Variants in LTF observed in about 807,000 individuals in gnomAD.
The protein encoded by LTF is lactotransferrin.
In LTF, 91 loss-of-function variants were observed where a neutral mutation model predicts 87.2. The observed-to-expected ratio is 1.04, with a 90% CI of 0.88 to 1.24. LTF has a LOEUF of 1.24. LTF is among the 50% of genes most tolerant of loss of function. The pLI, the probability that LTF is intolerant of heterozygous loss-of-function variation, is 0.00. For missense variants in LTF, 901 were observed against 904.3 expected, an observed-to-expected ratio of 1.00 and a Z score of 0.05; for synonymous variants, 378 against 356.1, an observed-to-expected ratio of 1.06 and a Z score of -0.69.
At chr3:46,458,559 G>A (rs1402283400) in intron 2 of LTF, among the ~76,000 whole-genome samples, 1 of 152,170 alleles carries the variant, frequency 6.6e-6, no homozygotes, top group Non-Finnish European at 1.5e-5. Context: ...AGAGATGCTG[G>A]TGCTGGTTTT....
chr3:46,443,739 A>AC (rs899841991), intron 12 of LTF, among the ~76,000 whole-genome samples, 157 bp from the exon 13 acceptor site: 1 of 152,150 alleles, frequency 6.6e-6, no homozygotes, highest in African/African-American at 2.4e-5. Context: ...ACATGTTGTC[A>AC]CCAACATAGG....
rs1559614847 is a variant in LTF, at chr3:46,482,665, AAGGAAG to A, written c.-320+2315_-320+2320del. 6.4e-3 allele frequency among the ~76,000 whole-genome samples: 526 copies of A among 81,926 alleles called. 6 individuals are homozygous for A. The highest frequency in any genetic ancestry group is 0.019 in the Middle Eastern group (3 of 154). The allele number at this position is 81,926 out of a possible 152,430, so 53.7% of individuals were successfully genotyped here. ...GAAAGAAAGAAAGAAAGAAAGAAGG[AAGGAAG>A]GAAGGAAGGAAGGAAGGAAGGAAGG... On this transcript the variant is annotated intron_variant, in intron 1 of 19. Transcript: ENST00000443496.
chr3:46,448,938 C>T lies in LTF; in HGVS notation c.1137G>A (p.Gln379=). 2 of 1,613,882 alleles carry T rather than the reference C, an allele frequency of 1.2e-6. No homozygotes were observed. Among genetic ancestry groups the T allele is most frequent in the Non-Finnish European group, 1.7e-6 (2 of 1,179,960 alleles). ...CGCTGCCTTCGCTCAAGCCACTCCA[C>T]TGGTTACACTTGCGCAGCTCCTGCT... ...VGEQELRKCN[Q]WSGLSEGSVT... Residue 379 remains glutamine, a synonymous_variant, in exon 9 of 17, where the codon CAG becomes CAA. Coordinates refer to ENST00000231751, the MANE Select transcript of LTF (RefSeq NM_002343.6).
At position 46,439,380 on chromosome 3, in the gene LTF, G is replaced by A; in HGVS notation, c.1824C>T (p.Cys608=). ...CATGATTCGGGGCCATGGCAAGATG[G>A]CAGCTTCTAGCCTCAGTCACAGGCT... ...KRKPVTEARS[C]HLAMAPNHAV... Residue 608 remains cysteine (C), a synonymous_variant, in exon 15 of 17, where the codon TGC becomes TGT. Transcript: ENST00000231751. The A allele has an allele frequency of 6.2e-7, 1 of 1,614,200 alleles. No individual in the cohort carries two copies. The highest frequency in any genetic ancestry group is 8.5e-7 in the Non-Finnish European group (1 of 1,180,032).
chr3:46,437,914 G>C (rs373913785), intron 16 of LTF, 26 bp downstream of exon 16: 18 of 1,601,858 alleles, frequency 1.1e-5, no homozygotes, highest in Non-Finnish European at 1.4e-5. Flanking sequence ...GTGGTTTCTC[G>C]GGGATGCTAG....
intron 13 of LTF, among the ~76,000 whole-genome samples, chr3:46,442,888 C>T (rs546111969): frequency 3.9e-5 from 6 of 152,152 alleles, no homozygotes; most frequent in African/African-American, 7.2e-5. Context: ...TGCTGTAAAA[C>T]GTGGGGTGTG....
chr3:46,456,187 G>T, intron 3 of LTF, 103 bp downstream of exon 3: 1 of 1,074,160 alleles, frequency 9.3e-7, no homozygotes, highest in Non-Finnish European at 1.4e-6. Flanking sequence ...CATGTGTGAT[G>T]TGACCCAGAC....
intron 1 of LTF, among the ~76,000 whole-genome samples, chr3:46,474,388 G>C (rs985246942): frequency 1.3e-5 from 2 of 152,158 alleles, no homozygotes; most frequent in Non-Finnish European, 2.9e-5. Context: ...AATAATGAAA[G>C]AGTCAATACA....
chr3:46,441,899 CAG>C lies in LTF; in HGVS notation c.1656-418_1656-417del, dbSNP rs71622508. 345 of 101,606 alleles carry C rather than the reference CAG, an allele frequency of 3.4e-3. 1 individual carries two copies. The highest frequency in any genetic ancestry group is 5.8e-3 in the Admixed American group (46 of 7,990). 6.3% of individuals were successfully genotyped at this position (101,606 alleles called of 1,614,324 possible). ...TAAATGATGAAACTGTGATAGCACCCAGAGAGAGAGAGAGAGAGAGAGAGAGA... is the reference window on the plus strand; with the variant it reads ...TAAATGATGAAACTGTGATAGCACCCAGAGAGAGAGAGAGAGAGAGAGAGA... On this transcript the variant is annotated intron_variant, in intron 13 of 16. Transcript: ENST00000231751.
Position 46,441,503 on chromosome 3 carries a change from A to G in LTF, c.1656-20T>C. ...AGGCACCTAAAATGTTCCAGAAAAT[A>G]TACACATAATTACAGAAGAGAAACT... On this transcript the variant is annotated intron_variant, in intron 13 of 16. Coordinates refer to ENST00000231751, the MANE Select transcript of LTF (RefSeq NM_002343.6). 1 of 1,583,722 alleles carries G rather than the reference A, an allele frequency of 6.3e-7. No homozygotes were observed. The highest frequency in any genetic ancestry group is 2.2e-5 in the East Asian group (1 of 44,746).
chr3:46,459,695 T>C lies in LTF; in HGVS notation c.168A>G (p.Ile56Met). Residue 56 changes from isoleucine (I) to methionine (M), a missense_variant, in exon 2 of 17, where the codon ATA becomes ATG. Coordinates refer to ENST00000231751, the MANE Select transcript of LTF (RefSeq NM_002343.6). ...TACACTGGATGGGGGAGTCTCTCTTTATGCAGCTGACAGGAGGGCCACGCA... is the reference window on the plus strand; with the variant it reads ...TACACTGGATGGGGGAGTCTCTCTTCATGCAGCTGACAGGAGGGCCACGCA... ...RKVRGPPVSC[I>M]KRDSPIQCIQ... is the part of the protein sequence containing the mutation. 1 of 1,568,090 alleles carries C rather than the reference T, an allele frequency of 6.4e-7. No homozygotes were observed. Among genetic ancestry groups the C allele is most frequent in the East Asian group, 2.5e-5 (1 of 39,930 alleles).
chr3:46,445,875 CCCAGGGACTG>C (rs1702641066), intron 11 of LTF, among the ~76,000 whole-genome samples: 1 of 152,210 alleles, frequency 6.6e-6, no homozygotes, highest in Non-Finnish European at 1.5e-5. Context: ...GGCACATGTC[CCCAGGGACTG>C]CCCTGAGCTG....
At chr3:46,463,967 C>T (rs1172214974) in intron 1 of LTF, among the ~76,000 whole-genome samples, 4 of 152,154 alleles carry the variant, frequency 2.6e-5, no homozygotes, top group Admixed American at 6.5e-5. Context: ...AGGTAGATGC[C>T]GTAAGACAAG....
rs1419151439 is a variant in LTF, at chr3:46,449,906, A to G, written c.1005T>C (p.Ser335=). ...GFSRVPPRID[S]GLYLGSGYFT... ...AGTAGCCGGAGCCAAGGTACAGCCCAGAATCTATCCTCGGGGGCACCCTCG... is the reference window on the plus strand; with the variant it reads ...AGTAGCCGGAGCCAAGGTACAGCCCGGAATCTATCCTCGGGGGCACCCTCG... The change falls in exon 8 of 17, where the codon TCT becomes TCC. Residue 335 remains serine, a synonymous_variant. Coordinates refer to ENST00000231751, the MANE Select transcript of LTF (RefSeq NM_002343.6). The G allele has an allele frequency of 6.2e-7, 1 of 1,614,076 alleles. No individual in the cohort carries two copies. The highest frequency in any genetic ancestry group is 1.7e-5 in the Admixed American group (1 of 60,004).
intron 14 of LTF, among the ~76,000 whole-genome samples, chr3:46,440,859 A>G (rs1164300861): frequency 6.6e-6 from 1 of 152,242 alleles, no homozygotes; most frequent in African/African-American, 2.4e-5. Flanking sequence ...GCTGAGGACC[A>G]GGAGAGAGAG....
At chr3:46,444,751 C>G (rs1702603705) in intron 12 of LTF, among the ~76,000 whole-genome samples, 1 of 152,238 alleles carries the variant, frequency 6.6e-6, no homozygotes, top group Non-Finnish European at 1.5e-5. Flanking sequence ...CCACAGCAGG[C>G]AGGGTGTGGC....
chr3:46,455,754 G>GC, intron 4 of LTF, 42 bp downstream of exon 4: 1 of 1,521,266 alleles, frequency 6.6e-7, no homozygotes. Context: ...CTGGAATAGA[G>GC]CCCCCTGCCT....
At position 46,448,913 on chromosome 3, in the gene LTF, C is replaced by A. The variant is rs1253218659; in HGVS notation, c.1162G>T (p.Val388Leu). Residue 388 changes from valine to leucine, a missense_variant, in exon 9 of 17, where the codon GTG becomes TTG. By Grantham distance (32) the Val-to-Leu change is conservative. Transcript: ENST00000231751. ...NQWSGLSEGS[V>L]TCSSASTTED... ...GTGGTGGAGGCCGAGGAGCAGGTCA[C>A]GCTGCCTTCGCTCAAGCCACTCCAC... is the stretch of plus-strand genomic sequence containing the variant. 1 of 1,613,758 alleles carries A rather than the reference C, an allele frequency of 6.2e-7. No homozygotes were observed. The highest frequency in any genetic ancestry group is 1.1e-5 in the South Asian group (1 of 91,068).
intron 9 of LTF, among the ~76,000 whole-genome samples, chr3:46,447,788 G>A (rs1702693274): frequency 6.6e-6 from 1 of 152,164 alleles, no homozygotes; most frequent in East Asian, 1.9e-4. Context: ...CTACACAGAA[G>A]TTGTCCAACA....
Sources: allele counts gnomAD v4.1 joint callset (sites outside exome capture counted in the v4.1 genomes callset), GRCh38; gene constraint gnomAD v4.1.1; transcripts MANE v1.5; gene names NCBI Gene and HGNC (gene_info 2026-07-23, HGNC 2026-07-21).